Variants in DCDC1 observed in about 807,000 individuals in gnomAD.
DCDC1 encodes the protein doublecortin domain containing 1.
Under a neutral mutation model 178.3 loss-of-function variants are expected in DCDC1, and 200 were observed. The observed-to-expected ratio is 1.12, with a 90% CI of 1.00 to 1.26. The LOEUF is 1.26. Ranked by LOEUF, DCDC1 falls within the 50% of genes most tolerant of loss-of-function variation. The pLI is 0.00. For missense variants in DCDC1, 1,983 were observed against 1,749.2 expected, an observed-to-expected ratio of 1.13 and a Z score of -2.38; for synonymous variants, 690 against 604.8, an observed-to-expected ratio of 1.14 and a Z score of -2.07.
chr11:31,104,827 T>C (rs1377192011), intron 13 of DCDC1, among the ~76,000 whole-genome samples: 1 of 152,086 alleles, frequency 6.6e-6, no homozygotes, highest in African/African-American at 2.4e-5. Flanking sequence ...TGTGGCAAAC[T>C]CTTTAAATTG....
intron 20 of DCDC1, among the ~76,000 whole-genome samples, chr11:31,025,301 G>A (rs1327894444): frequency 2.0e-5 from 3 of 151,690 alleles, no homozygotes; most frequent in East Asian, 1.9e-4. Context: ...GAAAAAGAGA[G>A]TAGAACAAGT....
chr11:31,249,558 C>T (rs1232027136), intron 8 of DCDC1, among the ~76,000 whole-genome samples: 4 of 152,092 alleles, frequency 2.6e-5, no homozygotes, highest in Non-Finnish European at 4.4e-5. Flanking sequence ...AACCCTGGAA[C>T]CAAGGAAAAG....
intron 11 of DCDC1, among the ~76,000 whole-genome samples, chr11:31,110,793 C>T (rs1307376096): frequency 6.6e-6 from 1 of 151,890 alleles, no homozygotes; most frequent in Non-Finnish European, 1.5e-5. Context: ...AATATTCATA[C>T]TTTGGTTTAT....
intron 7 of DCDC1, among the ~76,000 whole-genome samples, chr11:31,275,648 G>A (rs1355909423): frequency 6.6e-6 from 1 of 152,070 alleles, no homozygotes; most frequent in Admixed American, 6.6e-5. Context: ...GGGATTACAG[G>A]TGTGCACCAC....
At chr11:30,918,377 T>C (rs1011148743) in intron 25 of DCDC1, among the ~76,000 whole-genome samples, 4 of 152,288 alleles carry the variant, frequency 2.6e-5, no homozygotes, top group South Asian at 4.1e-4. Flanking sequence ...TTATTGAACA[T>C]CTACAAGACA....
chr11:30,961,215 CAAAA>C (rs1949075637), intron 20 of DCDC1, among the ~76,000 whole-genome samples: 1 of 151,942 alleles, frequency 6.6e-6, no homozygotes, highest in Non-Finnish European at 1.5e-5. Context: ...TACATAGTAA[CAAAA>C]AGATACTATT....
At chr11:31,048,658 C>T (rs1164669735) in intron 20 of DCDC1, among the ~76,000 whole-genome samples, 1 of 151,964 alleles carries the variant, frequency 6.6e-6, no homozygotes, top group African/African-American at 2.4e-5. Flanking sequence ...TCGAGACCAT[C>T]CTGGCTAACA....
chr11:30,959,710 G>A (rs1320806042), intron 20 of DCDC1, among the ~76,000 whole-genome samples: 3 of 152,146 alleles, frequency 2.0e-5, no homozygotes, highest in African/African-American at 4.8e-5. Flanking sequence ...ATCCAGAAGT[G>A]AGGGGGACTC....
At chr11:31,084,433 T>C (rs913685192) in intron 17 of DCDC1, among the ~76,000 whole-genome samples, 1 of 152,084 alleles carries the variant, frequency 6.6e-6, no homozygotes, top group Non-Finnish European at 1.5e-5. Context: ...AAAAGATAAA[T>C]GTGTTTGAAA....
chr11:31,252,870 G>A (rs941037549), intron 8 of DCDC1, among the ~76,000 whole-genome samples: 6 of 151,978 alleles, frequency 3.9e-5, no homozygotes, highest in Admixed American at 6.6e-5. Context: ...TGACGGGATG[G>A]ACACTTGTTG....
At chr11:31,323,743 T>C (rs1345636271) in intron 3 of DCDC1, among the ~76,000 whole-genome samples, 1 of 152,100 alleles carries the variant, frequency 6.6e-6, no homozygotes, top group African/African-American at 2.4e-5. Context: ...TAATGAATCA[T>C]CAGTTTAAAA....
intron 38 of DCDC1, among the ~76,000 whole-genome samples, chr11:30,867,470 C>T (rs548219849): frequency 6.6e-6 from 1 of 152,272 alleles, no homozygotes; most frequent in South Asian, 2.1e-4. Flanking sequence ...ATTATGGTGC[C>T]CGGTACAGGT....
In DCDC1 at chr11:30,937,467, C is replaced by T. The variant is rs147758712; in HGVS notation, c.2716-5515G>A. On this transcript the variant is annotated intron_variant, in intron 21 of 38. Transcript: ENST00000684477. The stretch of plus-strand genomic sequence containing the variant: ...ATCCAGGACATTCTCTCTAAAAATG[C>T]CCAGGCTTTCCACACTTGTAACATC... Among the ~76,000 whole-genome samples the T allele has an allele frequency of 2.8e-3, 425 of 152,234 alleles. 1 individual carries two copies. Among genetic ancestry groups the T allele is most frequent in the African/African-American group, 9.7e-3 (402 of 41,548 alleles).
At chr11:31,117,432 T>A (rs964457440) in intron 11 of DCDC1, among the ~76,000 whole-genome samples, 2 of 151,674 alleles carry the variant, frequency 1.3e-5, no homozygotes, top group African/African-American at 4.8e-5. Context: ...AAGAATGGCA[T>A]GTCTCTTTCC....
chr11:31,170,643 G>C (rs1214284991), intron 9 of DCDC1, among the ~76,000 whole-genome samples: 2 of 152,048 alleles, frequency 1.3e-5, no homozygotes, highest in Non-Finnish European at 2.9e-5. Context: ...TATGTAATCT[G>C]ATGTTTCATC....
chr11:31,092,911 T>C (rs907113182), intron 16 of DCDC1, among the ~76,000 whole-genome samples: 3 of 152,204 alleles, frequency 2.0e-5, no homozygotes, highest in Admixed American at 6.6e-5. Flanking sequence ...ATGAAAGTTC[T>C]GAAGTCAAAG....
At chr11:30,904,836 C>T (rs1054934341) in intron 31 of DCDC1, 125 bp downstream of exon 31, 2 of 1,070,412 alleles carry the variant, frequency 1.9e-6, no homozygotes, top group Non-Finnish European at 2.8e-6. Context: ...TTCATCTCAT[C>T]AGCTTTAACT....
chr11:31,154,578 A>C (rs1965530812), intron 9 of DCDC1, among the ~76,000 whole-genome samples: 1 of 152,206 alleles, frequency 6.6e-6, no homozygotes, highest in Non-Finnish European at 1.5e-5. Context: ...CATGTCTAGC[A>C]CAGAATAGAT....
At chr11:31,019,046 A>G (rs1952687169) in intron 20 of DCDC1, among the ~76,000 whole-genome samples, 1 of 152,190 alleles carries the variant, frequency 6.6e-6, no homozygotes, top group African/African-American at 2.4e-5. Flanking sequence ...TGGATTTTCT[A>G]TATCTGATAG....
Sources: gnomAD v4.1 joint callset for allele counts (sites outside exome capture counted in the v4.1 genomes callset) on GRCh38, gnomAD v4.1.1 for gene constraint, MANE v1.5 for transcripts, NCBI Gene and HGNC (gene_info 2026-07-23, HGNC 2026-07-21) for gene names.